CDH11: variants seen among roughly 807,000 people sequenced by gnomAD.
The protein encoded by CDH11 is cadherin-11.
A neutral mutation model predicts 67.8 loss-of-function variants in CDH11; 11 were observed. The observed-to-expected ratio is 0.16, with a 90% CI of 0.10 to 0.27. The LOEUF (loss-of-function observed/expected upper bound fraction) is 0.27. CDH11 is among the 10% of genes least tolerant of loss of function. The pLI is 1.00. For synonymous variants in CDH11, 419 were observed against 400.0 expected (o/e 1.05, Z -0.57); for missense variants, 847 against 1,031.2 (o/e 0.82, Z 2.45).
chr16:65,087,474 A>G (rs1309061093), intron 1 of CDH11, among the ~76,000 whole-genome samples: 1 of 152,224 alleles, frequency 6.6e-6, no homozygotes, highest in African/African-American at 2.4e-5. Context: ...AATGCAAATC[A>G]TACATCACAT....
rs1007991703 is a variant in CDH11 at position 65,121,017 on chromosome 16, C to G, written c.-298+863G>C. 6.6e-6 allele frequency among the ~76,000 whole-genome samples: 1 copy of G among 152,186 alleles called. No individual in the cohort carries two copies. The highest frequency in any genetic ancestry group is 1.5e-5 in the Non-Finnish European group (1 of 68,034). On this transcript the variant is annotated intron_variant, in intron 1 of 12. Transcript: ENST00000268603. The surrounding 1 kb of genome is among the most constrained non-coding windows in gnomAD (Gnocchi z 4.1). ...CGGGGCAGAGCGCAGGGAGGGAGGC[C>G]GTGCGTGCCGGGAGCTAGAGAGGCT... is the stretch of plus-strand genomic sequence containing the variant.
chr16:65,049,965 C>T lies in CDH11; in HGVS notation c.-173+3839G>A, dbSNP rs1236023390. Among the ~76,000 whole-genome samples, 13 of 152,268 alleles carry T rather than the reference C, an allele frequency of 8.5e-5. 1 individual carries two copies. The South Asian group carries it at 2.7e-3, about 32-fold the overall frequency. On this transcript the variant is annotated intron_variant, in intron 2 of 12. Transcript: ENST00000268603. ...GGGACAATGCAGAGCCCGGTGGGTT[C>T]TGCAGCACAGGTGAGCTGCCCCAGA...
intron 7 of CDH11, among the ~76,000 whole-genome samples, chr16:64,983,514 G>C (rs965880554): frequency 6.6e-6 from 1 of 152,142 alleles, no homozygotes; most frequent in Non-Finnish European, 1.5e-5. Flanking sequence ...TTCTGAATGG[G>C]CATATAGTCA....
chr16:65,120,913 G>T (rs1245603082), intron 1 of CDH11, among the ~76,000 whole-genome samples: 5 of 152,144 alleles, frequency 3.3e-5, no homozygotes, highest in Admixed American at 1.3e-4. Flanking sequence ...GGGTTGGGGA[G>T]GGGGGAGAAG....
chr16:65,054,054 A>G (rs1251795023), intron 1 of CDH11, 126 bp from the exon 2 acceptor site: 4 of 360,176 alleles, frequency 1.1e-5, no homozygotes, highest in Non-Finnish European at 2.2e-5. Flanking sequence ...GTGTGCAAAG[A>G]GAGAGAGAAA....
rs188751953 is a variant in CDH11, at chr16:64,968,218, T to C, written c.1642+3361A>G. Among the ~76,000 whole-genome samples, 384 of 152,288 alleles carry C rather than the reference T, an allele frequency of 2.5e-3. 4 individuals are homozygous for C. The highest frequency in any genetic ancestry group is 3.4e-3 in the Middle Eastern group (1 of 294). On this transcript the variant is annotated intron_variant, in intron 11 of 12. Transcript: ENST00000268603. ...TCATATTCTTTCTTTATCTGAAAATTGGATAAAAATATACCACCTGCCTGC... is the reference window on the plus strand; with the variant it reads ...TCATATTCTTTCTTTATCTGAAAATCGGATAAAAATATACCACCTGCCTGC...
chr16:64,954,622 G>T (rs1567486244), intron 11 of CDH11, among the ~76,000 whole-genome samples: 1 of 152,168 alleles, frequency 6.6e-6, no homozygotes, highest in African/African-American at 2.4e-5. Context: ...GGTAGGAGAC[G>T]TGTCTAGCAG....
In CDH11 at chr16:64,946,806, A is replaced by T. The variant is rs1240718277; in HGVS notation, c.*797T>A. 1.1e-6 allele frequency: 1 copy of T among 884,362 alleles called. No individual in the cohort carries two copies. Among genetic ancestry groups the T allele is most frequent in the African/African-American group, 1.8e-5 (1 of 55,686 alleles). 54.8% of individuals were successfully genotyped at this position (884,362 alleles called of 1,614,324 possible). ...TAAAAAAAAATCTTTTTTTATTTCA[A>T]AGATTGCTTCTTATATTGAAGCTCA... On this transcript the variant is annotated 3_prime_UTR_variant, in exon 13 of 13. Coordinates refer to ENST00000268603, the MANE Select transcript of CDH11 (RefSeq NM_001797.4).
At chr16:65,026,149 G>A (rs780423221) in intron 2 of CDH11, among the ~76,000 whole-genome samples, 8 of 152,144 alleles carry the variant, frequency 5.3e-5, no homozygotes, top group Non-Finnish European at 1.0e-4. Context: ...CAGCACATGG[G>A]TGGGCATGCC....
At chr16:65,070,154 T>C (rs868259983) in intron 1 of CDH11, among the ~76,000 whole-genome samples, 1 of 152,094 alleles carries the variant, frequency 6.6e-6, no homozygotes, top group Non-Finnish European at 1.5e-5. Context: ...AATCAAGAGG[T>C]AAGTAAGTTT....
intron 11 of CDH11, among the ~76,000 whole-genome samples, chr16:64,964,354 A>G (rs2071753353): frequency 6.6e-6 from 1 of 152,144 alleles, no homozygotes; most frequent in Admixed American, 6.5e-5. Flanking sequence ...ATAACACAGG[A>G]GCAAATATTT....
intron 8 of CDH11, 112 bp downstream of exon 8, chr16:64,981,936 G>C: frequency 3.3e-6 from 3 of 905,562 alleles, no homozygotes; most frequent in Non-Finnish European, 5.1e-6. Flanking sequence ...TATTGAACCT[G>C]ATAAACTTGA....
intron 11 of CDH11, among the ~76,000 whole-genome samples, chr16:64,967,278 CGT>C (rs1463766767): frequency 1.3e-5 from 2 of 152,046 alleles, no homozygotes; most frequent in African/African-American, 4.8e-5. Flanking sequence ...AGTGCAGTGG[CGT>C]GATCTCAGCT....
intron 1 of CDH11, among the ~76,000 whole-genome samples, chr16:65,056,362 A>C (rs6416687): frequency 0.91 from 138,926 of 152,154 alleles, 63,470 homozygotes; most frequent in East Asian, 1. Context: ...CTAATACATA[A>C]AAATATTCAT....
In CDH11 at chr16:64,945,895, T is replaced by C; in HGVS notation, c.*1708A>G. 9.5e-7 allele frequency: 1 copy of C among 1,056,712 alleles called. No individual in the cohort carries two copies. The highest frequency in any genetic ancestry group is 1.1e-6 in the Non-Finnish European group (1 of 873,948). 65.5% of individuals were successfully genotyped at this position (1,056,712 alleles called of 1,614,324 possible). ...AATCCAAGAAAAAGCACGTGCCCTG[T>C]GTGTAGGGGGAAAGAGGGAAAGCAC... On this transcript the variant is annotated 3_prime_UTR_variant, in exon 13 of 13. Coordinates refer to ENST00000268603, the MANE Select transcript of CDH11 (RefSeq NM_001797.4).
In CDH11 at chr16:65,057,731, T is replaced by C. The variant is rs370706848; in HGVS notation, c.-297-3803A>G. On this transcript the variant is annotated intron_variant, in intron 1 of 12. Transcript: ENST00000268603. ...AAGGGAGCAGCATAGCCCGAGGAGA[T>C]GGAGTTACTCCGTTTTACAGATTGA... 1.4e-4 allele frequency among the ~76,000 whole-genome samples: 21 copies of C among 152,264 alleles called. No individual in the cohort carries two copies. In the South Asian group the frequency reaches 3.9e-3, roughly 29 times the overall value.
Position 64,945,868 on chromosome 16 carries a change from G to A in CDH11, c.*1735C>T, listed in dbSNP as rs1240901816. ...CAGAAAAAAACTGTAAAAATTGTCT[G>A]CAATCCAAGAAAAAGCACGTGCCCT... On this transcript the variant is annotated 3_prime_UTR_variant, in exon 13 of 13. Transcript: ENST00000268603. 5 of 1,055,708 alleles carry A rather than the reference G, an allele frequency of 4.7e-6. No individual in the cohort carries two copies. The East Asian group carries it at 2.1e-4, about 45-fold the overall frequency. 65.4% of individuals were successfully genotyped at this position (1,055,708 alleles called of 1,614,324 possible). A position where few individuals can be genotyped will look rare whatever the true frequency, so the allele number is the denominator to read the frequency against.
At chr16:65,035,045 G>A (rs2073724365) in intron 2 of CDH11, among the ~76,000 whole-genome samples, 1 of 152,238 alleles carries the variant, frequency 6.6e-6, no homozygotes, top group South Asian at 2.1e-4. Context: ...CAGGGCTCAT[G>A]AGGTGCTGGG....
intron 2 of CDH11, among the ~76,000 whole-genome samples, chr16:65,040,829 T>C (rs2073854358): frequency 1.3e-5 from 2 of 152,228 alleles, no homozygotes; most frequent in Admixed American, 1.3e-4. Flanking sequence ...ATGTTATATA[T>C]TTATTGGCCA....
Sources: allele counts gnomAD v4.1 joint callset (sites outside exome capture counted in the v4.1 genomes callset), GRCh38; gene constraint gnomAD v4.1.1; non-coding constraint Gnocchi (gnomAD v3.1); transcripts MANE v1.5; gene names NCBI Gene and HGNC (gene_info 2026-07-23, HGNC 2026-07-21).